Variants in KDM4C observed in about 807,000 individuals in gnomAD.
KDM4C encodes lysine demethylase 4C, also known as lysine-specific demethylase 4C.
In KDM4C, 81 loss-of-function variants were observed where a neutral mutation model predicts 129.3. That is an observed-to-expected ratio of 0.63 (90% CI 0.52 to 0.75). The LOEUF is 0.75. KDM4C is among the 30% of genes least tolerant of loss of function. KDM4C has a pLI of 0.00. For synonymous variants in KDM4C, 573 were observed against 456.1 expected (o/e 1.26, Z -3.26); for missense variants, 1,457 against 1,304.0 (o/e 1.12, Z -1.81).
rs57658011 is a variant in KDM4C at position 6,853,322 on chromosome 9, C to CA, written c.629+3634dup. Among the ~76,000 whole-genome samples the CA allele has an allele frequency of 5.3e-3, 753 of 141,292 alleles. 5 individuals carry two copies. Among genetic ancestry groups the CA allele is most frequent in the African/African-American group, 0.012 (483 of 39,424 alleles). The allele number at this position is 141,292 out of a possible 152,430, so 92.7% of individuals were successfully genotyped here. A position where few individuals can be genotyped will look rare whatever the true frequency, so the allele number is the denominator to read the frequency against. ...GGGCAACATGGCAAAACTGTTTCTA[C>CA]AAAAAAAAAAAATAAGAAAATTAGC... On this transcript the variant is annotated intron_variant, in intron 5 of 21. Transcript: ENST00000381309.
chr9:6,752,008 G>A (rs76442135), intron 1 of KDM4C, among the ~76,000 whole-genome samples: 3,349 of 152,182 alleles, frequency 0.022, 145 homozygotes, highest in African/African-American at 0.077. Flanking sequence ...TACTGCTGGA[G>A]AGATTAAGCA....
At chr9:7,080,682 A>T (rs1834423348) in intron 17 of KDM4C, among the ~76,000 whole-genome samples, 1 of 152,216 alleles carries the variant, frequency 6.6e-6, no homozygotes, top group South Asian at 2.1e-4. Context: ...GCTGTCTCAA[A>T]ATTTGACAAA....
At chr9:7,132,334 G>A (rs1840730878) in intron 19 of KDM4C, among the ~76,000 whole-genome samples, 1 of 152,122 alleles carries the variant, frequency 6.6e-6, no homozygotes, top group African/African-American at 2.4e-5. Context: ...GAGAATTTTG[G>A]CAGGCGTTAA....
chr9:7,106,878 T>C (rs992499437), intron 18 of KDM4C, among the ~76,000 whole-genome samples: 1 of 152,098 alleles, frequency 6.6e-6, no homozygotes, highest in Non-Finnish European at 1.5e-5. Context: ...AAAATTCATC[T>C]GATTTGTTAA....
At chr9:6,816,738 C>A (rs1318933489) in intron 4 of KDM4C, among the ~76,000 whole-genome samples, 1 of 152,030 alleles carries the variant, frequency 6.6e-6, no homozygotes, top group Non-Finnish European at 1.5e-5. Context: ...GTAGTCGTAT[C>A]TTTTGGTTTT....
rs150108436 is a variant in KDM4C, at chr9:6,942,867, A to G, written c.922-38058A>G. Among the ~76,000 whole-genome samples, 554 of 152,108 alleles carry G rather than the reference A, an allele frequency of 3.6e-3. 2 individuals carry two copies. The highest frequency in any genetic ancestry group is 0.013 in the African/African-American group (529 of 41,492). On this transcript the variant is annotated intron_variant, in intron 8 of 21. Coordinates refer to ENST00000381309, the MANE Select transcript of KDM4C (RefSeq NM_015061.6). The stretch of plus-strand genomic sequence containing the variant: ...GAGCAGTGGTTACCTCTGTGATCAA[A>G]TTTATTATTATTATTTTTTGAGACG...
intron 17 of KDM4C, among the ~76,000 whole-genome samples, chr9:7,091,037 A>G (rs889504341): frequency 3.9e-5 from 6 of 152,210 alleles, no homozygotes; most frequent in Non-Finnish European, 7.3e-5. Context: ...AAACACCATT[A>G]TAAAGCCTAA....
At chr9:6,750,454 G>A (rs930602788) in intron 1 of KDM4C, among the ~76,000 whole-genome samples, 10 of 140,116 alleles carry the variant, frequency 7.1e-5, no homozygotes, top group Non-Finnish European at 1.6e-4. Flanking sequence ...AAAAAAAAAA[G>A]CTCTTCACGA....
chr9:6,963,565 G>T (rs1243215826), intron 8 of KDM4C, among the ~76,000 whole-genome samples: 1 of 152,220 alleles, frequency 6.6e-6, no homozygotes, highest in Admixed American at 6.5e-5. Context: ...GATAAATACA[G>T]TTGGTGCAAC....
chr9:6,830,669 T>C (rs752549152), intron 4 of KDM4C, among the ~76,000 whole-genome samples: 70 of 152,366 alleles, frequency 4.6e-4, no homozygotes, highest in Non-Finnish European at 7.2e-4. Context: ...CCTTTTCCAT[T>C]GAAGGAATAA....
intron 17 of KDM4C, among the ~76,000 whole-genome samples, chr9:7,093,296 A>C (rs1031767374): frequency 1.1e-4 from 16 of 152,198 alleles, no homozygotes; most frequent in African/African-American, 3.9e-4. Flanking sequence ...GCCAGTTCTG[A>C]GTCTGAAACA....
chr9:6,974,131 C>T (rs1176549761), intron 8 of KDM4C, among the ~76,000 whole-genome samples: 4 of 152,134 alleles, frequency 2.6e-5, no homozygotes, highest in Admixed American at 2.6e-4. Context: ...CATTTTTGTG[C>T]CTCAGTTTCT....
At chr9:7,047,228 T>C (rs927017794) in intron 16 of KDM4C, among the ~76,000 whole-genome samples, 1 of 152,070 alleles carries the variant, frequency 6.6e-6, no homozygotes, top group Non-Finnish European at 1.5e-5. Flanking sequence ...ATCCTGGTGT[T>C]TAATATGATG....
chr9:6,932,236 C>A (rs1177554610), intron 8 of KDM4C, among the ~76,000 whole-genome samples: 2 of 152,200 alleles, frequency 1.3e-5, no homozygotes, highest in Non-Finnish European at 2.9e-5. Flanking sequence ...CCCTTCAGAA[C>A]AGAGTGGAAG....
intron 8 of KDM4C, among the ~76,000 whole-genome samples, chr9:6,961,746 CT>C (rs1332140661): frequency 6.6e-6 from 1 of 152,130 alleles, no homozygotes; most frequent in Non-Finnish European, 1.5e-5. Flanking sequence ...ATGGTGACCT[CT>C]TTGATGGTAT....
chr9:7,065,370 A>G (rs1484945138), intron 17 of KDM4C, among the ~76,000 whole-genome samples: 1 of 152,116 alleles, frequency 6.6e-6, no homozygotes, highest in African/African-American at 2.4e-5. Context: ...ACTACTTTTC[A>G]TTACAGGAAT....
chr9:7,115,026 C>A (rs992619254), intron 18 of KDM4C, among the ~76,000 whole-genome samples: 1 of 152,032 alleles, frequency 6.6e-6, no homozygotes, highest in African/African-American at 2.4e-5. Flanking sequence ...TTGCAGTGAG[C>A]CAAGATTGCG....
intron 1 of KDM4C, among the ~76,000 whole-genome samples, chr9:6,722,960 G>T (rs1288377322): frequency 6.6e-6 from 1 of 151,990 alleles, no homozygotes; most frequent in African/African-American, 2.4e-5. Context: ...TCTAGCCTGG[G>T]CAACAGAGCG....
intron 12 of KDM4C, among the ~76,000 whole-genome samples, chr9:6,998,740 G>A (rs1287814440): frequency 1.3e-5 from 2 of 152,178 alleles, no homozygotes; most frequent in African/African-American, 4.8e-5. Context: ...AGGCTGCAGT[G>A]CGCTGAGATC....
Sources: allele counts gnomAD v4.1 joint callset (sites outside exome capture counted in the v4.1 genomes callset), GRCh38; gene constraint gnomAD v4.1.1; transcripts MANE v1.5; gene names NCBI Gene and HGNC (gene_info 2026-07-23, HGNC 2026-07-21).